ANKRD16: variants seen among roughly 807,000 people sequenced by gnomAD.
The protein encoded by ANKRD16 is ankyrin repeat domain 16.
ANKRD16 carries 35 observed loss-of-function variants against 37.9 expected under a neutral mutation model. That is an observed-to-expected ratio of 0.92 (90% CI 0.71 to 1.23). The LOEUF (loss-of-function observed/expected upper bound fraction) is 1.23. ANKRD16 is among the 50% of genes most tolerant of loss of function. ANKRD16 has a pLI of 0.00. For synonymous variants in ANKRD16, 206 were observed against 197.2 expected (o/e 1.04, Z -0.37); for missense variants, 480 against 469.9 (o/e 1.02, Z -0.20).
rs1241598332 is a variant in ANKRD16, at chr10:5,866,608, T to C, written c.*34-3917A>G. On this transcript the variant is annotated intron_variant, in intron 7 of 7. Coordinates refer to ENST00000380094, the MANE Select transcript of ANKRD16 (RefSeq NM_019046.3). The surrounding 1 kb of genome is among the most constrained non-coding windows in gnomAD (Gnocchi z 4.3). ...GGTTCCTAACCTCTGGGGAACCACATTAAATATCACAAGGAAATCATGGAG... is the reference window on the plus strand; with the variant it reads ...GGTTCCTAACCTCTGGGGAACCACACTAAATATCACAAGGAAATCATGGAG... Among the ~76,000 whole-genome samples, 1 of 152,206 alleles carries C rather than the reference T, an allele frequency of 6.6e-6. No homozygotes were observed. The highest frequency in any genetic ancestry group is 6.5e-5 in the Admixed American group (1 of 15,284).
rs1841990755 is a variant in ANKRD16 at position 5,864,772 on chromosome 10, T to C, written c.*34-2081A>G. ...TGTAAACATCTGCTGATCTGTGTTC[T>C]AGAAGGACAAAGGAGAATTAGGAAA... On this transcript the variant is annotated intron_variant, in intron 7 of 7. Coordinates refer to ENST00000380094, the MANE Select transcript of ANKRD16 (RefSeq NM_019046.3). The surrounding 1 kb of genome is among the most constrained non-coding windows in gnomAD (Gnocchi z 4.4). 6.6e-5 allele frequency among the ~76,000 whole-genome samples: 10 copies of C among 152,208 alleles called. No homozygotes were observed. The highest frequency in any genetic ancestry group is 6.5e-4 in the Admixed American group (10 of 15,280).
rs1589013891 is a variant in ANKRD16, at chr10:5,868,833, T to G, written c.*34-6142A>C. Among the ~76,000 whole-genome samples, 1 of 152,212 alleles carries G rather than the reference T, an allele frequency of 6.6e-6. No homozygotes were observed. The highest frequency in any genetic ancestry group is 1.9e-4 in the East Asian group (1 of 5,202). On this transcript the variant is annotated intron_variant, in intron 7 of 7. Coordinates refer to ENST00000380094, the MANE Select transcript of ANKRD16 (RefSeq NM_019046.3). The surrounding 1 kb of genome is among the most constrained non-coding windows in gnomAD (Gnocchi z 4.9). Reference sequence around the variant, plus strand: ...ACCCACCAGGAGGAACAAACAACTCTGAATGTACCATCTTTAAGATCATAA... The same window carrying G: ...ACCCACCAGGAGGAACAAACAACTCGGAATGTACCATCTTTAAGATCATAA...
At chr10:5,882,146 G>C (rs1260134625) in intron 5 of ANKRD16, among the ~76,000 whole-genome samples, 1 of 152,162 alleles carries the variant, frequency 6.6e-6, no homozygotes, top group Non-Finnish European at 1.5e-5. Context: ...TAAGGTTCCA[G>C]GTTCACTCTT....
rs777712084 is a variant in ANKRD16 at position 5,862,493 on chromosome 10, C to A, written c.*232G>T. 5 of 735,196 alleles carry A rather than the reference C, an allele frequency of 6.8e-6. No individual in the cohort carries two copies. The African/African-American group carries it at 9.2e-5, about 14-fold the overall frequency. 45.5% of individuals were successfully genotyped at this position (735,196 alleles called of 1,614,324 possible). ...CAGCAACCATTTTTGGAGACAGACC[C>A]AGGGAGCTGACCTTGGGGGCCAGTG... On this transcript the variant is annotated 3_prime_UTR_variant, in exon 8 of 8. Transcript: ENST00000380094. This position sits in a 1 kb window ranked among gnomAD's most constrained non-coding sequence, Gnocchi z 6.5.
intron 2 of ANKRD16, among the ~76,000 whole-genome samples, 175 bp from the exon 3 acceptor site, chr10:5,885,940 G>A (rs938201363): frequency 4.6e-5 from 7 of 152,170 alleles, no homozygotes; most frequent in African/African-American, 1.2e-4. Context: ...TGGATAAAGC[G>A]GTAAACAATA....
At chr10:5,880,255 T>A in intron 6 of ANKRD16, 43 bp downstream of exon 6, 1 of 947,216 alleles carries the variant, frequency 1.1e-6, no homozygotes, top group Non-Finnish European at 1.6e-6. Context: ...TTGGTTATAC[T>A]CAGTTTACTA....
At chr10:5,875,012 C>CT (rs1842161626) in intron 7 of ANKRD16, among the ~76,000 whole-genome samples, 1 of 152,078 alleles carries the variant, frequency 6.6e-6, no homozygotes, top group South Asian at 2.1e-4. Flanking sequence ...GGTCAGTAAT[C>CT]TAAGGGCTAA....
chr10:5,872,760 G>T (rs1391854239), intron 7 of ANKRD16, among the ~76,000 whole-genome samples: 1 of 151,850 alleles, frequency 6.6e-6, no homozygotes, highest in Non-Finnish European at 1.5e-5. Context: ...ATTTCACCGT[G>T]TTAGCCAAGA....
At position 5,887,910 on chromosome 10, in the gene ANKRD16, T is replaced by C. The variant is rs1225776418; in HGVS notation, c.472A>G (p.Thr158Ala). 4.3e-6 allele frequency: 7 copies of C among 1,614,154 alleles called. No individual in the cohort carries two copies. The highest frequency in any genetic ancestry group is 3.3e-5 in the Admixed American group (2 of 60,028). ...GTCTTCCAGGCACCTGGGCAAACAG[T>C]GAGCAGGTACTGGAGGATCAGAGGG... ...GDPLILQYLLTVCPGAWKTES... is the reference protein window; with the variant it reads ...GDPLILQYLLAVCPGAWKTES... Residue 158 changes from threonine to alanine, a missense_variant, in exon 2 of 8, where the codon ACT (threonine) becomes GCT (alanine). Transcript: ENST00000380094.
At chr10:5,880,751 C>G (rs116281577) in intron 5 of ANKRD16, among the ~76,000 whole-genome samples, 1 of 152,190 alleles carries the variant, frequency 6.6e-6, no homozygotes, top group Non-Finnish European at 1.5e-5. Flanking sequence ...AACCCTTTAT[C>G]TGTAGCTATC....
intron 5 of ANKRD16, among the ~76,000 whole-genome samples, chr10:5,882,006 C>T (rs1015554688): frequency 2.0e-5 from 3 of 151,730 alleles, no homozygotes; most frequent in Non-Finnish European, 4.4e-5. Flanking sequence ...CTCTTGACCC[C>T]GTGATCCGCC....
intron 6 of ANKRD16, 123 bp downstream of exon 6, chr10:5,880,175 T>TAA (rs56264154): frequency 8.9e-5 from 10 of 112,608 alleles, no homozygotes; most frequent in South Asian, 8.0e-4. Flanking sequence ...CCACCACCAC[T>TAA]AAAAAAAAAA....
intron 7 of ANKRD16, among the ~76,000 whole-genome samples, chr10:5,873,149 C>T (rs112029025): frequency 0.073 from 11,067 of 151,976 alleles, 509 homozygotes; most frequent in Non-Finnish European, 0.1. Flanking sequence ...CCTGCCTCAG[C>T]CTCCCAAGCA....
intron 5 of ANKRD16, chr10:5,881,123 A>G: frequency 1.1e-6 from 1 of 904,570 alleles, no homozygotes; most frequent in Non-Finnish European, 1.3e-6. Context: ...AAAGTAAGAT[A>G]TTGTATCATT....
Position 5,878,856 on chromosome 10 carries a change from G to T in ANKRD16, c.929-569C>A, listed in dbSNP as rs1307085092. ...AACAGAGCAAGTTAACAAGATATAG[G>T]ATACATCCTCTTCATACGCCTGAAT... On this transcript the variant is annotated intron_variant, in intron 6 of 7. Transcript: ENST00000380094. This position sits in a 1 kb window ranked among gnomAD's most constrained non-coding sequence, Gnocchi z 5.1. Among the ~76,000 whole-genome samples the T allele has an allele frequency of 3.9e-5, 6 of 151,970 alleles. No individual in the cohort carries two copies.
At chr10:5,887,780 G>T in intron 2 of ANKRD16, 67 bp downstream of exon 2, 1 of 1,418,080 alleles carries the variant, frequency 7.1e-7, no homozygotes, top group Non-Finnish European at 9.6e-7. Context: ...AACAAGATGC[G>T]GTTGGGCAGT....
intron 5 of ANKRD16, among the ~76,000 whole-genome samples, chr10:5,881,832 C>T (rs1266274348): frequency 6.6e-6 from 1 of 151,744 alleles, no homozygotes; most frequent in East Asian, 2.0e-4. Flanking sequence ...GGACTACAGG[C>T]ACCTGCCACC....
chr10:5,881,472 A>T (rs1339805032), intron 5 of ANKRD16, among the ~76,000 whole-genome samples: 1 of 121,020 alleles, frequency 8.3e-6, no homozygotes, highest in African/African-American at 3.7e-5. Context: ...ATATATATAT[A>T]TATATATATT....
chr10:5,868,903 C>G lies in ANKRD16; in HGVS notation c.*34-6212G>C, dbSNP rs764535571. On this transcript the variant is annotated intron_variant, in intron 7 of 7. Transcript: ENST00000380094. The surrounding 1 kb of genome is among the most constrained non-coding windows in gnomAD (Gnocchi z 4.9). Reference sequence around the variant, plus strand: ...GGCTTCATTCTTGAAGTCAGCAAGACCAAGAACCCACCAGAAGGAATAAAT... The same window carrying G: ...GGCTTCATTCTTGAAGTCAGCAAGAGCAAGAACCCACCAGAAGGAATAAAT... Among the ~76,000 whole-genome samples, 30 of 152,110 alleles carry G rather than the reference C, an allele frequency of 2.0e-4. No individual in the cohort carries two copies. The highest frequency in any genetic ancestry group is 4.0e-4 in the Non-Finnish European group (27 of 68,026).
Sources: gnomAD v4.1 joint callset for allele counts (sites outside exome capture counted in the v4.1 genomes callset) on GRCh38, gnomAD v4.1.1 for gene constraint, Gnocchi (gnomAD v3.1) non-coding constraint, MANE v1.5 for transcripts, NCBI Gene and HGNC (gene_info 2026-07-23, HGNC 2026-07-21) for gene names.